Variants in SLC24A2 observed in about 807,000 individuals in gnomAD.
The protein encoded by SLC24A2 is solute carrier family 24 member 2.
In SLC24A2, 36 loss-of-function variants were observed where a neutral mutation model predicts 62.0. That is an observed-to-expected ratio of 0.58 (90% CI 0.44 to 0.77). SLC24A2 has a LOEUF of 0.77. Ranked by LOEUF, SLC24A2 falls within the 30% of genes least tolerant of loss-of-function variation. SLC24A2 has a pLI of 0.00. For missense variants in SLC24A2, 846 were observed against 817.9 expected, an observed-to-expected ratio of 1.03 and a Z score of -0.42; for synonymous variants, 358 against 294.0, an observed-to-expected ratio of 1.22 and a Z score of -2.23.
chr9:20,054,042 T>C, the SLC24A2 span, among the ~76,000 whole-genome samples: 1 of 152,208 alleles, frequency 6.6e-6, no homozygotes, highest in Non-Finnish European at 1.5e-5. Context: ...GCTCTTAGTC[T>C]GTGTCAGTTT....
At chr9:20,071,586 T>C in the SLC24A2 span, among the ~76,000 whole-genome samples, 1 of 152,200 alleles carries the variant, frequency 6.6e-6, no homozygotes, top group African/African-American at 2.4e-5. Context: ...TGTTACATTA[T>C]ATGGTGTTTC....
chr9:20,170,377 T>C, the SLC24A2 span, among the ~76,000 whole-genome samples: 1 of 151,990 alleles, frequency 6.6e-6, no homozygotes, highest in Non-Finnish European at 1.5e-5. Flanking sequence ...ACCAGGGGTT[T>C]TTTATCTCCT....
At chr9:19,574,631 T>C (rs1172461717) in intron 6 of SLC24A2, among the ~76,000 whole-genome samples, 2 of 152,028 alleles carry the variant, frequency 1.3e-5, no homozygotes, top group Admixed American at 1.3e-4. Flanking sequence ...CACTGTAGCA[T>C]AGTGCCTTGT....
At chr9:20,081,279 G>C in the SLC24A2 span, among the ~76,000 whole-genome samples, 42 of 151,692 alleles carry the variant, frequency 2.8e-4, no homozygotes, top group Non-Finnish European at 4.4e-4. Flanking sequence ...ACATATACAC[G>C]ATGGAATACT....
At chr9:19,789,051 C>T, upstream of SLC24A2, 1 of 679,784 alleles carries the variant, frequency 1.5e-6, no homozygotes, top group Non-Finnish European at 1.8e-6. Context: ...CCGCTGTGAG[C>T]CCGGCGCTCC....
the SLC24A2 span, among the ~76,000 whole-genome samples, chr9:19,891,258 G>T: frequency 7.5e-4 from 114 of 152,330 alleles, no homozygotes; most frequent in Non-Finnish European, 1.3e-4. Context: ...AAATATTTTA[G>T]AGCATAGGTC....
chr9:20,021,301 T>C, the SLC24A2 span, among the ~76,000 whole-genome samples: 10 of 151,960 alleles, frequency 6.6e-5, no homozygotes, highest in African/African-American at 2.4e-4. Context: ...TGTGCTAATT[T>C]TTCCTTCTTT....
the SLC24A2 span, among the ~76,000 whole-genome samples, chr9:19,868,648 T>G: frequency 6.6e-6 from 1 of 152,214 alleles, no homozygotes; most frequent in Non-Finnish European, 1.5e-5. Flanking sequence ...TGAATCTTTG[T>G]TGTTAGTCGT....
At chr9:19,542,245 C>G (rs1328949143) in intron 8 of SLC24A2, among the ~76,000 whole-genome samples, 2 of 152,162 alleles carry the variant, frequency 1.3e-5, no homozygotes, top group Non-Finnish European at 2.9e-5. Context: ...CTCTGTTTGT[C>G]TTTTATTGGT....
the SLC24A2 span, among the ~76,000 whole-genome samples, chr9:19,920,465 A>G: frequency 6.6e-6 from 1 of 152,170 alleles, no homozygotes; most frequent in Admixed American, 6.5e-5. Context: ...CAAGCAGTTT[A>G]TTTGGGAGGA....
chr9:20,121,296 A>T, the SLC24A2 span, among the ~76,000 whole-genome samples: 1 of 151,842 alleles, frequency 6.6e-6, no homozygotes, highest in Admixed American at 6.6e-5. Flanking sequence ...ATTTTTCCCC[A>T]GAAATATAAT....
chr9:20,195,021 T>C, the SLC24A2 span, among the ~76,000 whole-genome samples: 1 of 151,062 alleles, frequency 6.6e-6, no homozygotes, highest in Non-Finnish European at 1.5e-5. Context: ...CTTTTTGAAC[T>C]TTTTATTAAT....
At chr9:20,044,073 GC>G in the SLC24A2 span, among the ~76,000 whole-genome samples, 1 of 151,894 alleles carries the variant, frequency 6.6e-6, no homozygotes, top group Non-Finnish European at 1.5e-5. Flanking sequence ...CCCTCTACCA[GC>G]AAAAGATTAT....
At chr9:19,630,402 T>G (rs546130606) in intron 2 of SLC24A2, among the ~76,000 whole-genome samples, 1 of 151,094 alleles carries the variant, frequency 6.6e-6, no homozygotes, top group East Asian at 1.9e-4. Flanking sequence ...GTAACAAAAT[T>G]TTTTTGCCAA....
intron 10 of SLC24A2, among the ~76,000 whole-genome samples, chr9:19,518,097 G>A (rs1165666968): frequency 6.6e-6 from 1 of 152,080 alleles, no homozygotes; most frequent in Middle Eastern, 3.2e-3. Flanking sequence ...AACTGAAAAT[G>A]CAGATTAAAC....
the SLC24A2 span, among the ~76,000 whole-genome samples, chr9:19,980,097 G>A: frequency 6.6e-6 from 1 of 152,182 alleles, no homozygotes; most frequent in African/African-American, 2.4e-5. Flanking sequence ...TGGGACTAAA[G>A]GCTTCCTGGA....
At chr9:19,576,803 G>A in intron 6 of SLC24A2, 121 bp downstream of exon 6, 1 of 706,224 alleles carries the variant, frequency 1.4e-6, no homozygotes, top group South Asian at 1.4e-5. Flanking sequence ...GCACAGGGAA[G>A]GGCTGTGCTG....
Position 19,508,736 on chromosome 9 carries a change from C to T in SLC24A2, c.*7417G>A, listed in dbSNP as rs754929125. ...TTGAGTCCAGGTGTTTGAGGCTACA[C>T]TGAGCTATGATTGCACCACTGCACT... On this transcript the variant is annotated 3_prime_UTR_variant, in exon 11 of 11. Transcript: ENST00000341998. 3.9e-5 allele frequency: 6 copies of T among 151,934 alleles called. No individual in the cohort carries two copies. Among genetic ancestry groups the T allele is most frequent in the Non-Finnish European group, 8.8e-5 (6 of 68,034 alleles). The allele number at this position is 151,934 out of a possible 1,614,324, so 9.4% of individuals were successfully genotyped here.
At chr9:20,282,383 C>G in the SLC24A2 span, among the ~76,000 whole-genome samples, 1 of 152,216 alleles carries the variant, frequency 6.6e-6, no homozygotes, top group East Asian at 1.9e-4. Context: ...GAAAGGGAGA[C>G]AAAATCCAAT....
Sources: allele counts gnomAD v4.1 joint callset (sites outside exome capture counted in the v4.1 genomes callset), GRCh38; gene constraint gnomAD v4.1.1; transcripts MANE v1.5; gene names NCBI Gene and HGNC (gene_info 2026-07-23, HGNC 2026-07-21).